The following MED17 variants were observed in gnomAD, a reference collection of about 807,000 sequenced individuals.
MED17 encodes the protein mediator complex subunit 17, also known as mediator of RNA polymerase II transcription subunit 17.
A neutral mutation model predicts 80.8 loss-of-function variants in MED17; 49 were observed. The observed-to-expected ratio is 0.61, with a 90% CI of 0.48 to 0.77. The LOEUF is 0.77. Among genes scored for constraint, MED17 ranks in the 30% least tolerant of loss-of-function variants. MED17 has a pLI of 0.00. For synonymous variants in MED17, 281 were observed against 280.4 expected (o/e 1.00, Z -0.02); for missense variants, 718 against 787.0 (o/e 0.91, Z 1.05).
In MED17 at chr11:93,812,318, AATATTACT is replaced by A. The variant is rs1944092769; in HGVS notation, c.*256_*263del. The A allele has an allele frequency of 1.8e-6, 1 of 558,186 alleles. No homozygotes were observed. The highest frequency in any genetic ancestry group is 2.8e-5 in the East Asian group (1 of 35,348). The allele number at this position is 558,186 out of a possible 1,614,324, so 34.6% of individuals were successfully genotyped here. ...ATAATATGTTTTTCATGCAGTTTAA[AATATTACT>A]AACTTAAGGGTTTCTATGTGCTTTT... On this transcript the variant is annotated 3_prime_UTR_variant, in exon 12 of 12. Transcript: ENST00000251871.
chr11:93,804,833 G>A (rs569584807), intron 9 of MED17, among the ~76,000 whole-genome samples: 15 of 152,152 alleles, frequency 9.9e-5, no homozygotes, highest in Admixed American at 3.9e-4. Flanking sequence ...TGTAATTTAC[G>A]TGATTTTTAA....
rs749631821 is a variant in MED17, at chr11:93,794,964, G to T, written c.916G>T (p.Glu306Ter). Residue 306 changes from glutamate (E) to a stop codon, truncating the protein, a stop_gained, in exon 6 of 12, where the codon GAA (glutamate) becomes TAA (stop). Transcript: ENST00000251871. LOFTEE classifies it high-confidence loss of function. ...GGCACAGAATGTTCTCTTATGTAAA[G>T]AAATTTTTGCACAGCTCTCTCGGGA... is the stretch of plus-strand genomic sequence containing the variant. ...EAAQNVLLCK[E>*]IFAQLSREAV... 2.5e-6 allele frequency: 4 copies of T among 1,614,128 alleles called. No homozygotes were observed. The highest frequency in any genetic ancestry group is 2.2e-5 in the South Asian group (2 of 91,072).
chr11:93,787,488 C>T (rs1352805146), intron 1 of MED17, among the ~76,000 whole-genome samples: 2 of 151,948 alleles, frequency 1.3e-5, no homozygotes, highest in Non-Finnish European at 2.9e-5. Flanking sequence ...GGGAGAGAAT[C>T]GGGTGGGGAA....
chr11:93,811,822 A>T, intron 11 of MED17, 31 bp from the exon 12 acceptor site: 1 of 1,555,440 alleles, frequency 6.4e-7, no homozygotes, highest in Non-Finnish European at 8.9e-7. Flanking sequence ...GGTAAACTAG[A>T]GTGTATTGAT....
rs1944104311 is a variant in MED17, at chr11:93,813,421, A to C, written c.*1357A>C. ...ATTAAAATAATTGGTATGAATTTGC[A>C]GTTATTTAAAAATCTTGAGTGCTTC... On this transcript the variant is annotated 3_prime_UTR_variant, in exon 12 of 12. Coordinates refer to ENST00000251871, the MANE Select transcript of MED17 (RefSeq NM_004268.5). 1 of 152,180 alleles carries C rather than the reference A, an allele frequency of 6.6e-6. No homozygotes were observed. Among genetic ancestry groups the C allele is most frequent in the African/African-American group, 2.4e-5 (1 of 41,446 alleles). 9.4% of individuals were successfully genotyped at this position (152,180 alleles called of 1,614,324 possible).
At position 93,814,711 on chromosome 11, in the gene MED17, G is replaced by A. The variant is rs1944116479; in HGVS notation, c.*2647G>A. The A allele has an allele frequency of 6.6e-6, 1 of 152,206 alleles. No individual in the cohort carries two copies. Among genetic ancestry groups the A allele is most frequent in the South Asian group, 2.1e-4 (1 of 4,830 alleles). The allele number at this position is 152,206 out of a possible 1,614,324, so 9.4% of individuals were successfully genotyped here. ...ATTAGAAAAAATGGTTGAGACACCA[G>A]CTGTATTTATTAGGAGAAAGCATTT... On this transcript the variant is annotated 3_prime_UTR_variant, in exon 12 of 12. Transcript: ENST00000251871.
chr11:93,790,020 A>G (rs1943815970), intron 2 of MED17, among the ~76,000 whole-genome samples: 1 of 152,236 alleles, frequency 6.6e-6, no homozygotes, highest in Non-Finnish European at 1.5e-5. Flanking sequence ...TTAATAGCTT[A>G]TGGTAAGATG....
intron 10 of MED17, 42 bp downstream of exon 10, chr11:93,807,677 A>G: frequency 1.8e-6 from 2 of 1,094,104 alleles, no homozygotes; most frequent in Non-Finnish European, 2.8e-6. Flanking sequence ...TTCTTCGCAT[A>G]GCTACTTAAA....
chr11:93,788,836 C>T (rs1401561790), intron 2 of MED17: 1 of 152,116 alleles, frequency 6.6e-6, no homozygotes, highest in African/African-American at 2.4e-5. Context: ...CTGCCTCTGC[C>T]TTCATTAACT....
In MED17 at chr11:93,804,046, C is replaced by T. The variant is rs1480532554; in HGVS notation, c.1466+2074C>T. ...ATATATACACACACACATATACACA[C>T]GCACACACACACACATAAAGGGGAG... is the stretch of plus-strand genomic sequence containing the variant. On this transcript the variant is annotated intron_variant, in intron 9 of 11. Coordinates refer to ENST00000251871, the MANE Select transcript of MED17 (RefSeq NM_004268.5). Among the ~76,000 whole-genome samples, 4 of 92,834 alleles carry T rather than the reference C, an allele frequency of 4.3e-5. No homozygotes were observed. In the East Asian group the frequency reaches 1.6e-3, roughly 38 times the overall value. 60.9% of individuals were successfully genotyped at this position (92,834 alleles called of 152,430 possible).
chr11:93,812,278 A>G lies in MED17; in HGVS notation c.*214A>G. The stretch of plus-strand genomic sequence containing the variant: ...GTTTATGTACAGTTGTATATACAGT[A>G]TGACAAGATGTAAAATAATATGTTT... On this transcript the variant is annotated 3_prime_UTR_variant, in exon 12 of 12. Transcript: ENST00000251871. The G allele has an allele frequency of 3.4e-6, 2 of 594,168 alleles. No homozygotes were observed. Among genetic ancestry groups the G allele is most frequent in the South Asian group, 4.4e-5 (2 of 45,552 alleles). The allele number at this position is 594,168 out of a possible 1,614,324, so 36.8% of individuals were successfully genotyped here. A position where few individuals can be genotyped will look rare whatever the true frequency, so the allele number is the denominator to read the frequency against.
intron 11 of MED17, chr11:93,811,340 TTGAA>T (rs1944083586): frequency 6.4e-6 from 1 of 157,308 alleles, no homozygotes. Context: ...TAACAATTCA[TTGAA>T]TGATTGCCTT....
intron 11 of MED17, chr11:93,811,033 A>G (rs1160642771): frequency 6.6e-6 from 1 of 152,300 alleles, no homozygotes; most frequent in Non-Finnish European, 1.5e-5. Context: ...ACTGAATACT[A>G]TAGGCAGTTG....
At chr11:93,794,663 C>A (rs918083779) in intron 5 of MED17, 1 of 560,094 alleles carries the variant, frequency 1.8e-6, no homozygotes, top group Non-Finnish European at 3.2e-6. Context: ...GGAATTTAAA[C>A]TTTCCTCTTC....
rs2135724433 is a variant in MED17, at chr11:93,812,209, C to G, written c.*145C>G. On this transcript the variant is annotated 3_prime_UTR_variant, in exon 12 of 12. Coordinates refer to ENST00000251871, the MANE Select transcript of MED17 (RefSeq NM_004268.5). ...TTAGGAAATGTTTATTTAGCACTTTCAAACTTTTCACTTTATAAATGACAA... is the reference window on the plus strand; with the variant it reads ...TTAGGAAATGTTTATTTAGCACTTTGAAACTTTTCACTTTATAAATGACAA... The G allele has an allele frequency of 1.4e-6, 1 of 737,394 alleles. No homozygotes were observed. The highest frequency in any genetic ancestry group is 2.3e-6 in the Non-Finnish European group (1 of 438,078). 45.7% of individuals were successfully genotyped at this position (737,394 alleles called of 1,614,324 possible).
At position 93,784,936 on chromosome 11, in the gene MED17, A is replaced by G. The variant is rs1943753189; in HGVS notation, c.250+173A>G. On this transcript the variant is annotated intron_variant, in intron 1 of 11. Transcript: ENST00000251871. ...TCTTTTTGTTGCTGCCGGACAAGGT[A>G]GGACACGACTTTACGTAATACTCCT... The G allele has an allele frequency of 5.4e-6, 5 of 932,160 alleles. No individual in the cohort carries two copies. The East Asian group carries it at 1.1e-4, about 20-fold the overall frequency. The allele number at this position is 932,160 out of a possible 1,614,324, so 57.7% of individuals were successfully genotyped here.
intron 1 of MED17, among the ~76,000 whole-genome samples, chr11:93,786,616 C>T (rs556643735): frequency 2.6e-5 from 4 of 152,040 alleles, no homozygotes; most frequent in East Asian, 1.9e-4. Flanking sequence ...TGTAGGCGTG[C>T]GGCACCATGC....
intron 1 of MED17, among the ~76,000 whole-genome samples, chr11:93,786,664 C>T (rs972555182): frequency 6.6e-6 from 1 of 152,042 alleles, no homozygotes; most frequent in Non-Finnish European, 1.5e-5. Flanking sequence ...GATAGAGTTT[C>T]ACCATGTTGG....
chr11:93,796,224 T>G, intron 6 of MED17, 186 bp from the exon 7 acceptor site: 1 of 577,534 alleles, frequency 1.7e-6, no homozygotes, highest in Non-Finnish European at 3.1e-6. Context: ...ATGCTGGGAT[T>G]GCAGGCGTGA....
Sources: gnomAD v4.1 joint callset for allele counts (sites outside exome capture counted in the v4.1 genomes callset) on GRCh38, gnomAD v4.1.1 for gene constraint, MANE v1.5 for transcripts, NCBI Gene and HGNC (gene_info 2026-07-23, HGNC 2026-07-21) for gene names.